OGDH: variants seen among roughly 807,000 people sequenced by gnomAD.
OGDH encodes the protein oxoglutarate dehydrogenase.
A neutral mutation model predicts 116.6 loss-of-function variants in OGDH; 38 were observed. The observed-to-expected ratio is 0.33, with a 90% CI of 0.25 to 0.43. OGDH has a LOEUF of 0.43. OGDH is among the 20% of genes least tolerant of loss of function. The probability of loss-of-function intolerance (pLI) is 1.00; values close to 1 mark genes in which losing one functional copy is unlikely to be tolerated. For synonymous variants in OGDH, 488 were observed against 533.3 expected (o/e 0.92, Z 1.17); for missense variants, 825 against 1,357.2 (o/e 0.61, Z 6.16).
At chr7:44,654,698 CAAG>C (rs1786610026) in intron 4 of OGDH, among the ~76,000 whole-genome samples, 2 of 152,102 alleles carry the variant, frequency 1.3e-5, no homozygotes, top group African/African-American at 4.8e-5. Flanking sequence ...TGGTCACCCT[CAAG>C]GAGAATGAAG....
intron 1 of OGDH, among the ~76,000 whole-genome samples, chr7:44,623,230 C>A (rs1231420465): frequency 2.0e-5 from 3 of 152,152 alleles, no homozygotes; most frequent in Non-Finnish European, 2.9e-5. Context: ...CTTCCACATG[C>A]AGTGCCTCGT....
At chr7:44,668,355 G>A (rs1350411835) in intron 5 of OGDH, among the ~76,000 whole-genome samples, 1 of 152,170 alleles carries the variant, frequency 6.6e-6, no homozygotes, top group Non-Finnish European at 1.5e-5. Flanking sequence ...ATAATTGCTT[G>A]AACCTGGGAG....
At chr7:44,663,326 G>A (rs1787030160) in intron 4 of OGDH, among the ~76,000 whole-genome samples, 1 of 152,144 alleles carries the variant, frequency 6.6e-6, no homozygotes, top group African/African-American at 2.4e-5. Context: ...TGTCTCTATC[G>A]TGTTCTTAAT....
At chr7:44,659,830 G>C (rs899253385) in intron 4 of OGDH, among the ~76,000 whole-genome samples, 4 of 152,096 alleles carry the variant, frequency 2.6e-5, no homozygotes, top group Non-Finnish European at 5.9e-5. Context: ...TTATTTGTCA[G>C]TCTTGTAAGA....
At chr7:44,647,400 C>T (rs756728102) in intron 3 of OGDH, 5 of 1,358,928 alleles carry the variant, frequency 3.7e-6, no homozygotes, top group Non-Finnish European at 5.1e-6. Flanking sequence ...CTCCCCACAG[C>T]TCACTGGATC....
chr7:44,637,288 C>G (rs1785712968), intron 2 of OGDH, among the ~76,000 whole-genome samples: 1 of 152,188 alleles, frequency 6.6e-6, no homozygotes. Context: ...ACCGTGGGCC[C>G]CTCCTCAGAG....
chr7:44,608,464 C>G lies in OGDH; in HGVS notation c.-28+1811C>G, dbSNP rs1487454386. Among the ~76,000 whole-genome samples the G allele has an allele frequency of 2.0e-5, 3 of 151,942 alleles. No individual in the cohort carries two copies. The East Asian group carries it at 5.8e-4, about 29-fold the overall frequency. On this transcript the variant is annotated intron_variant, in intron 1 of 22. Coordinates refer to ENST00000222673, the MANE Select transcript of OGDH (RefSeq NM_002541.4). ...CTGTAATCCTAGCACTTTGGGAGGC[C>G]GAGGTGGGTGGATCCCCTGAGGTTG... is the stretch of plus-strand genomic sequence containing the variant.
At chr7:44,650,666 A>T (rs1786397644) in intron 4 of OGDH, among the ~76,000 whole-genome samples, 1 of 152,186 alleles carries the variant, frequency 6.6e-6, no homozygotes, top group Admixed American at 6.5e-5. Flanking sequence ...CCTGTAGCCA[A>T]ATTATAAGGA....
At chr7:44,681,674 G>C in intron 9 of OGDH, 46 bp from the exon 10 acceptor site, 1 of 1,585,710 alleles carries the variant, frequency 6.3e-7, no homozygotes, top group Non-Finnish European at 8.6e-7. Flanking sequence ...TTGTGGACTT[G>C]GCAATCAGAA....
intron 20 of OGDH, among the ~76,000 whole-genome samples, chr7:44,705,051 C>CTTTCTT (rs1789005302): frequency 2.1e-5 from 2 of 93,948 alleles, no homozygotes; most frequent in African/African-American, 1.2e-4. Context: ...TTTTAATTTT[C>CTTTCTT]TTTTTTTTTT....
In OGDH at chr7:44,708,290, A is replaced by C. The variant is rs1369675788; in HGVS notation, c.*291A>C. 1.4e-5 allele frequency: 5 copies of C among 354,408 alleles called. No individual in the cohort carries two copies. The highest frequency in any genetic ancestry group is 2.6e-5 in the Non-Finnish European group (5 of 189,646). The allele number at this position is 354,408 out of a possible 1,614,324, so 22.0% of individuals were successfully genotyped here. A position where few individuals can be genotyped will look rare whatever the true frequency, so the allele number is the denominator to read the frequency against. On this transcript the variant is annotated 3_prime_UTR_variant, in exon 23 of 23. Coordinates refer to ENST00000222673, the MANE Select transcript of OGDH (RefSeq NM_002541.4). ...CGAGGGATGTCCTTGGGGAGGGGTC[A>C]GCTCTGGCCACAATCCTCCCCACCA... is the stretch of plus-strand genomic sequence containing the variant.
intron 6 of OGDH, 41 bp downstream of exon 6, chr7:44,673,982 G>A: frequency 6.2e-7 from 1 of 1,612,232 alleles, no homozygotes. Flanking sequence ...ACATTCCCAG[G>A]GAAGCAGTGA....
At chr7:44,668,465 A>G (rs1468232486) in intron 5 of OGDH, among the ~76,000 whole-genome samples, 1 of 152,130 alleles carries the variant, frequency 6.6e-6, no homozygotes, top group Non-Finnish European at 1.5e-5. Flanking sequence ...CTGAGTGTCC[A>G]GTGCTGGCAT....
intron 9 of OGDH, 172 bp downstream of exon 9, chr7:44,676,321 C>T (rs772635257): frequency 2.8e-5 from 40 of 1,435,512 alleles, no homozygotes; most frequent in Non-Finnish European, 3.2e-5. Flanking sequence ...TTTGGGAGGC[C>T]GAGGTGGGCA....
chr7:44,692,294 G>A (rs978018089), intron 10 of OGDH, among the ~76,000 whole-genome samples: 1 of 152,204 alleles, frequency 6.6e-6, no homozygotes, highest in Non-Finnish European at 1.5e-5. Context: ...ACTCTGTGGG[G>A]TATACTGTGT....
intron 10 of OGDH, among the ~76,000 whole-genome samples, chr7:44,692,212 G>A (rs1274793134): frequency 2.6e-5 from 4 of 152,120 alleles, no homozygotes; most frequent in African/African-American, 9.7e-5. Context: ...GTATAAGGAT[G>A]TGTACAGCAA....
At chr7:44,669,831 C>T (rs1383211329) in intron 5 of OGDH, among the ~76,000 whole-genome samples, 1 of 152,146 alleles carries the variant, frequency 6.6e-6, no homozygotes, top group Non-Finnish European at 1.5e-5. Flanking sequence ...CAACAGTTTA[C>T]AGACATTTGC....
At chr7:44,676,693 G>A (rs565759597) in intron 9 of OGDH, 139 of 389,774 alleles carry the variant, frequency 3.6e-4, no homozygotes, top group African/African-American at 2.9e-3. Flanking sequence ...TGCTTACAGT[G>A]TTCCTTTTCC....
chr7:44,624,697 G>A lies in OGDH; in HGVS notation c.222+132G>A, dbSNP rs182100943. ...CAGCTGGAGCGCCATACCAACCACCGTATCTGTATCGGACCCAGCATAGCC... is the reference window on the plus strand; with the variant it reads ...CAGCTGGAGCGCCATACCAACCACCATATCTGTATCGGACCCAGCATAGCC... On this transcript the variant is annotated intron_variant, in intron 2 of 22. Transcript: ENST00000222673. 433 of 750,188 alleles carry A rather than the reference G, an allele frequency of 5.8e-4. 1 individual carries two copies. The Middle Eastern group carries it at 6.4e-3, about 11-fold the overall frequency. 46.5% of individuals were successfully genotyped at this position (750,188 alleles called of 1,614,324 possible).
Sources: gnomAD v4.1 joint callset for allele counts (sites outside exome capture counted in the v4.1 genomes callset) on GRCh38, gnomAD v4.1.1 for gene constraint, MANE v1.5 for transcripts, NCBI Gene and HGNC (gene_info 2026-07-23, HGNC 2026-07-21) for gene names.